ARK2C: variants seen among roughly 807,000 people sequenced by gnomAD.
ARK2C encodes E3 ubiquitin-protein ligase ARK2C.
At chr18:46,450,492 G>A in the ARK2C span, 2 of 1,009,688 alleles carry the variant, frequency 2.0e-6, no homozygotes, top group East Asian at 2.4e-5. Flanking sequence ...GGTGAGTAGG[G>A]TATGGGTGTC....
chr18:46,435,290 C>T, the ARK2C span: 5 of 1,613,780 alleles, frequency 3.1e-6, 1 homozygote, highest in South Asian at 4.4e-5. Flanking sequence ...CTGGTGCAGG[C>T]GGAGTCAGGA....
At chr18:46,391,191 G>C in the ARK2C span, among the ~76,000 whole-genome samples, 1 of 152,176 alleles carries the variant, frequency 6.6e-6, no homozygotes, top group African/African-American at 2.4e-5. Context: ...ACAGGTCACA[G>C]AGCACTTGCT....
chr18:46,339,909 A>G, the ARK2C span, among the ~76,000 whole-genome samples: 3 of 152,210 alleles, frequency 2.0e-5, no homozygotes, highest in Non-Finnish European at 4.4e-5. Context: ...TCTTTAAATA[A>G]GTATCCTGCA....
chr18:46,383,345 A>G, the ARK2C span, among the ~76,000 whole-genome samples: 150 of 152,366 alleles, frequency 9.8e-4, no homozygotes, highest in Middle Eastern at 6.8e-3. Flanking sequence ...GGGAACCAGC[A>G]GGATGATGCA....
chr18:46,383,948 G>A, the ARK2C span, among the ~76,000 whole-genome samples: 4 of 152,248 alleles, frequency 2.6e-5, no homozygotes, highest in Non-Finnish European at 5.9e-5. Context: ...TGGAAGGCCA[G>A]TGACTCTTAG....
At chr18:46,371,778 G>T in the ARK2C span, among the ~76,000 whole-genome samples, 9 of 152,212 alleles carry the variant, frequency 5.9e-5, no homozygotes, top group African/African-American at 2.2e-4. Context: ...AGAGACTAGT[G>T]ACTGGGTCAA....
At chr18:46,343,124 T>C in the ARK2C span, among the ~76,000 whole-genome samples, 1 of 152,236 alleles carries the variant, frequency 6.6e-6, no homozygotes, top group Non-Finnish European at 1.5e-5. Context: ...GGTGCTGCTC[T>C]AACCCACCTC....
chr18:46,379,429 C>T, the ARK2C span, among the ~76,000 whole-genome samples: 1 of 152,188 alleles, frequency 6.6e-6, no homozygotes, highest in Admixed American at 6.5e-5. Flanking sequence ...TCTACTTACC[C>T]TCACACCCAC....
At chr18:46,424,276 G>A in the ARK2C span, among the ~76,000 whole-genome samples, 72 of 152,308 alleles carry the variant, frequency 4.7e-4, no homozygotes, top group South Asian at 1.4e-3. Flanking sequence ...AATGGCTGTC[G>A]AGGGCCCAGA....
the ARK2C span, among the ~76,000 whole-genome samples, chr18:46,343,830 C>A: frequency 1.3e-5 from 2 of 152,164 alleles, no homozygotes; most frequent in Admixed American, 6.5e-5. Context: ...GGGAAGGGAG[C>A]AGTAATTGCC....
chr18:46,337,136 A>G, the ARK2C span: 1 of 985,360 alleles, frequency 1.0e-6, no homozygotes, highest in Non-Finnish European at 1.2e-6. Context: ...ATAAAAGAAT[A>G]AGGCCCCTAC....
At chr18:46,453,221 C>T in the ARK2C span, among the ~76,000 whole-genome samples, 1 of 152,158 alleles carries the variant, frequency 6.6e-6, no homozygotes. Flanking sequence ...GAGGAAATGG[C>T]AGCATTTCAG....
At chr18:46,462,358 C>G in the ARK2C span, 3 of 153,190 alleles carry the variant, frequency 2.0e-5, no homozygotes, top group Admixed American at 1.3e-4. Context: ...GCTTATCCTC[C>G]TTCTTCCCTC....
At chr18:46,337,139 G>T in the ARK2C span, 1 of 985,160 alleles carries the variant, frequency 1.0e-6, no homozygotes, top group African/African-American at 1.7e-5. Flanking sequence ...AAAGAATAAG[G>T]CCCCTACTTT....
At chr18:46,428,764 G>A in the ARK2C span, among the ~76,000 whole-genome samples, 71 of 152,300 alleles carry the variant, frequency 4.7e-4, no homozygotes, top group African/African-American at 1.7e-3. Flanking sequence ...TGGATATGAT[G>A]AATTACAGAA....
At chr18:46,426,185 T>C in the ARK2C span, among the ~76,000 whole-genome samples, 1 of 152,204 alleles carries the variant, frequency 6.6e-6, no homozygotes, top group African/African-American at 2.4e-5. Flanking sequence ...TCAAGCTTCC[T>C]GACTCCCTGG....
At chr18:46,355,365 T>C in the ARK2C span, among the ~76,000 whole-genome samples, 3 of 152,162 alleles carry the variant, frequency 2.0e-5, no homozygotes, top group African/African-American at 7.2e-5. Flanking sequence ...CCTGGTTCTC[T>C]CTCAGGGCCT....
the ARK2C span, among the ~76,000 whole-genome samples, chr18:46,409,372 G>T: frequency 6.6e-6 from 1 of 152,184 alleles, no homozygotes; most frequent in African/African-American, 2.4e-5. Flanking sequence ...GAGCTCAAGG[G>T]ATCCTTTGAG....
chr18:46,373,625 G>C, the ARK2C span, among the ~76,000 whole-genome samples: 1,917 of 152,338 alleles, frequency 0.013, 12 homozygotes, highest in East Asian at 0.053. Flanking sequence ...TGAGAGCTGA[G>C]TGCTGCCACA....
Sources: allele counts gnomAD v4.1 joint callset (sites outside exome capture counted in the v4.1 genomes callset), GRCh38; gene constraint gnomAD v4.1.1; transcripts MANE v1.5; gene names NCBI Gene and HGNC (gene_info 2026-07-23, HGNC 2026-07-21).